The following COL5A3 variants were observed in gnomAD, a reference collection of about 807,000 sequenced individuals.
COL5A3 encodes collagen alpha-3(V) chain.
Under a neutral mutation model 250.0 loss-of-function variants are expected in COL5A3, and 172 were observed. The ratio of observed to expected loss-of-function variants is 0.69; its 90% CI spans 0.61 to 0.78. COL5A3 has a LOEUF of 0.78. COL5A3 is among the 30% of genes least tolerant of loss of function. COL5A3 has a pLI of 0.00. For missense variants in COL5A3, 2,340 were observed against 2,334.4 expected (o/e 1.00, Z -0.05); for synonymous variants, 937 against 900.4 (o/e 1.04, Z -0.73).
Position 9,985,867 on chromosome 19 carries a change from C to T in COL5A3, c.2381G>A (p.Gly794Asp). The T allele has an allele frequency of 6.2e-7, 1 of 1,613,884 alleles. No individual in the cohort carries two copies. Among genetic ancestry groups the T allele is most frequent in the East Asian group, 2.2e-5 (1 of 44,890 alleles). ...CTTAGGTCCAGGGCGTCCTGGATAA[C>T]CTGGGAGGCCTGGCACCCCAAGCTT... ...KGKLGVPGLP[G>D]YPGRPGPKGS... The change falls in exon 31 of 67, where the codon GGT becomes GAT. Residue 794 changes from glycine to aspartate, a missense_variant. Physicochemically the swap from Gly to Asp is moderately conservative, Grantham distance 94 (BLOSUM62 -1). Transcript: ENST00000264828.
At chr19:9,967,493 ACT>A (rs937917741) in intron 61 of COL5A3, 93 bp from the exon 62 acceptor site, 114 of 821,310 alleles carry the variant, frequency 1.4e-4, no homozygotes, top group Non-Finnish European at 1.8e-4. Flanking sequence ...TCACACACAC[ACT>A]CACACACACA....
Position 10,006,316 on chromosome 19 carries a change from T to G in COL5A3, c.89-85A>C, listed in dbSNP as rs575321148. On this transcript the variant is annotated intron_variant, in intron 1 of 66. Transcript: ENST00000264828. ...AGGACTCCAGGATAGAGGCTCAGGG[T>G]TTTTTTAGGGGGCTCAGCCTCTCCC... 1.2e-3 allele frequency: 1,529 copies of G among 1,302,846 alleles called. 5 individuals carry two copies. Among genetic ancestry groups the G allele is most frequent in the Non-Finnish European group, 1.4e-3 (1,340 of 974,240 alleles). 80.7% of individuals were successfully genotyped at this position (1,302,846 alleles called of 1,614,324 possible).
chr19:9,986,717 C>G lies in COL5A3; in HGVS notation c.2187G>C (p.Glu729Asp), dbSNP rs1195362407. Residue 729 changes from glutamate to aspartate, a missense_variant, in exon 28 of 67, where the codon GAG becomes GAC. This residue lies in a region of COL5A3 where 1,152 missense variants were observed against 1,146.3 expected (regional missense o/e 1.00). Transcript: ENST00000264828. ...GNRGLQGEKG[E>D]KGEDGFPGFK... ...GATGAGTTCCTTCTCTCCTCACCTT[C>G]TCGCCTTTCTCCCCCTGGAGGCCCC... 1 of 1,613,756 alleles carries G rather than the reference C, an allele frequency of 6.2e-7. No individual in the cohort carries two copies. Among genetic ancestry groups the G allele is most frequent in the African/African-American group, 1.3e-5 (1 of 74,786 alleles).
intron 21 of COL5A3, 41 bp downstream of exon 21, chr19:9,992,786 C>T (rs2087212751): frequency 1.2e-6 from 2 of 1,605,364 alleles, no homozygotes; most frequent in African/African-American, 1.3e-5. Flanking sequence ...TCAAAACAAA[C>T]AAAAAGACAG....
intron 4 of COL5A3, 31 bp from the exon 5 acceptor site, chr19:10,004,176 G>A (rs370909376): frequency 2.3e-5 from 35 of 1,535,796 alleles, no homozygotes; most frequent in Non-Finnish European, 2.4e-5. Flanking sequence ...AGTCAAGGAG[G>A]GCAGCCATAC....
At position 9,960,210 on chromosome 19, in the gene COL5A3, G is replaced by T; in HGVS notation, c.*201C>A. The T allele has an allele frequency of 1.6e-6, 1 of 634,484 alleles. No homozygotes were observed. Among genetic ancestry groups the T allele is most frequent in the Non-Finnish European group, 2.7e-6 (1 of 370,068 alleles). 39.3% of individuals were successfully genotyped at this position (634,484 alleles called of 1,614,324 possible). A position where few individuals can be genotyped will look rare whatever the true frequency, so the allele number is the denominator to read the frequency against. The stretch of plus-strand genomic sequence containing the variant: ...CAGTATGCCACCTGGAATGGGGTGA[G>T]AGGAGGCTGGACCCTTGGGCCAGGG... On this transcript the variant is annotated 3_prime_UTR_variant, in exon 67 of 67. Coordinates refer to ENST00000264828, the MANE Select transcript of COL5A3 (RefSeq NM_015719.4).
intron 62 of COL5A3, 104 bp from the exon 63 acceptor site, chr19:9,966,850 A>G: frequency 1.2e-6 from 1 of 854,160 alleles, no homozygotes; most frequent in South Asian, 1.7e-5. Flanking sequence ...GACACAAATG[A>G]GAAAGAGGAG....
chr19:9,976,346 T>C (rs17209296), intron 45 of COL5A3, among the ~76,000 whole-genome samples: 28,084 of 151,536 alleles, frequency 0.19, 2,785 homozygotes, highest in East Asian at 0.23. Context: ...TGAGGGTGAG[T>C]TCATATTGAG....
In COL5A3 at chr19:10,010,449, T is replaced by C; in HGVS notation, c.-64A>G. 1 of 1,120,464 alleles carries C rather than the reference T, an allele frequency of 8.9e-7. No homozygotes were observed. Among genetic ancestry groups the C allele is most frequent in the Non-Finnish European group, 1.2e-6 (1 of 850,174 alleles). The allele number at this position is 1,120,464 out of a possible 1,614,324, so 69.4% of individuals were successfully genotyped here. The stretch of plus-strand genomic sequence containing the variant: ...GGCGGCTGCGGGGCGCGGCGACTTC[T>C]CGGGCTCGGTGCAGTCACTCGCGGC... On this transcript the variant is annotated 5_prime_UTR_variant, in exon 1 of 67. Coordinates refer to ENST00000264828, the MANE Select transcript of COL5A3 (RefSeq NM_015719.4).
At chr19:10,008,944 G>C (rs1444202659) in intron 1 of COL5A3, among the ~76,000 whole-genome samples, 1 of 152,012 alleles carries the variant, frequency 6.6e-6, no homozygotes, top group Non-Finnish European at 1.5e-5. Context: ...CACGTGGGAG[G>C]GTCATAAAAG....
At chr19:9,970,410 TGAGTGGGGGCTGTAAG>T (rs2086822981) in intron 54 of COL5A3, among the ~76,000 whole-genome samples, 196 bp downstream of exon 54, 1 of 32,728 alleles carries the variant, frequency 3.1e-5, no homozygotes, top group African/African-American at 1.8e-4. Flanking sequence ...GTCTGTGGGG[TGAGTGGGGGCTGTAAG>T]GTGAGTGGGG....
intron 54 of COL5A3, 42 bp downstream of exon 54, chr19:9,970,580 C>G: frequency 1.5e-6 from 2 of 1,324,140 alleles, no homozygotes; most frequent in Non-Finnish European, 2.0e-6. Context: ...TGAGTGGGGG[C>G]TGTAGATAAG....
chr19:9,996,387 A>G, intron 13 of COL5A3, 46 bp downstream of exon 13: 6 of 1,602,610 alleles, frequency 3.7e-6, no homozygotes, highest in Non-Finnish European at 5.1e-6. Flanking sequence ...CCGAGGCTCT[A>G]TCACTCTCTG....
At chr19:9,996,309 C>G in intron 13 of COL5A3, 47 bp from the exon 14 acceptor site, 4 of 1,547,562 alleles carry the variant, frequency 2.6e-6, no homozygotes, top group Non-Finnish European at 2.6e-6. Flanking sequence ...ACAAGACCCC[C>G]AACATTCCCC....
chr19:9,993,075 A>G lies in COL5A3; in HGVS notation c.1750-8T>C. 1 of 1,613,780 alleles carries G rather than the reference A, an allele frequency of 6.2e-7. No individual in the cohort carries two copies. Among genetic ancestry groups the G allele is most frequent in the Non-Finnish European group, 8.5e-7 (1 of 1,179,814 alleles). On this transcript the variant is annotated splice_polypyrimidine_tract_variant and splice_region_variant and intron_variant, in intron 19 of 66. Transcript: ENST00000264828. The stretch of plus-strand genomic sequence containing the variant: ...TGGAGGTCCCTCTGCTCCCTGTGGA[A>G]AAGCGTCATTACTTGGGAACAGGAA...
chr19:9,960,302 C>T lies in COL5A3; in HGVS notation c.*109G>A, dbSNP rs1184544470. The T allele has an allele frequency of 5.3e-6, 7 of 1,316,178 alleles. No individual in the cohort carries two copies. The highest frequency in any genetic ancestry group is 1.3e-5 in the South Asian group (1 of 77,972). 81.5% of individuals were successfully genotyped at this position (1,316,178 alleles called of 1,614,324 possible). A position where few individuals can be genotyped will look rare whatever the true frequency, so the allele number is the denominator to read the frequency against. On this transcript the variant is annotated 3_prime_UTR_variant, in exon 67 of 67. Transcript: ENST00000264828. ...GTCCGTGATGAGCGAAGTCACATCC[C>T]ATTGGCTCCATAGTCACAGGTAACG...
chr19:9,979,482 G>T, intron 37 of COL5A3, 65 bp from the exon 38 acceptor site: 1 of 1,548,048 alleles, frequency 6.5e-7, no homozygotes. Context: ...GCAGGAGACA[G>T]GGAAGGCCTG....
intron 40 of COL5A3, 79 bp from the exon 41 acceptor site, chr19:9,978,706 A>C: frequency 9.7e-7 from 1 of 1,029,222 alleles, no homozygotes; most frequent in African/African-American, 1.7e-5. Context: ...GGGAGCTCAC[A>C]GTCCCCACCT....
chr19:9,985,625 C>T (rs562021508), intron 31 of COL5A3, among the ~76,000 whole-genome samples: 29 of 152,186 alleles, frequency 1.9e-4, no homozygotes, highest in Admixed American at 1.3e-4. Context: ...AGTCTGGTCT[C>T]GAACTCCTGG....
Sources: allele counts gnomAD v4.1 joint callset (sites outside exome capture counted in the v4.1 genomes callset), GRCh38; gene constraint gnomAD v4.1.1; regional missense constraint gnomAD v4.1.1; transcripts MANE v1.5; gene names NCBI Gene and HGNC (gene_info 2026-07-23, HGNC 2026-07-21).